The following KCNH5 variants were observed in gnomAD, a reference collection of about 807,000 sequenced individuals.
KCNH5 encodes potassium voltage-gated channel subfamily H member 5.
In KCNH5, 46 loss-of-function variants were observed where a neutral mutation model predicts 96.1. The ratio of observed to expected loss-of-function variants is 0.48; its 90% confidence interval spans 0.38 to 0.61. KCNH5 has a LOEUF of 0.61. KCNH5 is among the 20% of genes least tolerant of loss of function. KCNH5 has a pLI of 0.00. For missense variants in KCNH5, 907 were observed against 1,225.8 expected, an observed-to-expected ratio of 0.74 and a Z score of 3.88; for synonymous variants, 439 against 449.8, an observed-to-expected ratio of 0.98 and a Z score of 0.30.
chr14:62,709,576 C>T (rs6573456), intron 10 of KCNH5, among the ~76,000 whole-genome samples: 137,687 of 152,228 alleles, frequency 0.9, 63,535 homozygotes, highest in East Asian at 1. Context: ...TTGAACTCTT[C>T]AATTTCCCAG....
At chr14:62,768,072 G>A (rs1885903075) in intron 10 of KCNH5, among the ~76,000 whole-genome samples, 1 of 152,130 alleles carries the variant, frequency 6.6e-6, no homozygotes, top group Admixed American at 6.6e-5. Flanking sequence ...CAGGGTGGGA[G>A]AGGGGTGAGG....
intron 7 of KCNH5, among the ~76,000 whole-genome samples, chr14:62,894,645 T>G (rs1888776382): frequency 1.3e-5 from 2 of 152,238 alleles, no homozygotes; most frequent in Non-Finnish European, 2.9e-5. Context: ...TATATTAACA[T>G]CCAACCAATT....
At chr14:62,810,623 T>G (rs776781456) in intron 8 of KCNH5, among the ~76,000 whole-genome samples, 1 of 152,058 alleles carries the variant, frequency 6.6e-6, no homozygotes, top group Non-Finnish European at 1.5e-5. Flanking sequence ...TCCTCACTAC[T>G]ACACTCCCAT....
intron 4 of KCNH5, among the ~76,000 whole-genome samples, chr14:62,999,274 C>G (rs1394538318): frequency 6.6e-6 from 1 of 152,186 alleles, no homozygotes; most frequent in Non-Finnish European, 1.5e-5. Flanking sequence ...ATTTGCATTT[C>G]TCTGATGGCC....
Position 62,703,319 on chromosome 14 carries a change from G to A in KCNH5, c.*4189C>T, listed in dbSNP as rs528810501. 4.0e-5 allele frequency: 6 copies of A among 151,784 alleles called. 1 individual carries two copies. The highest frequency in any genetic ancestry group is 8.9e-5 in the Non-Finnish European group (6 of 67,754). 9.4% of individuals were successfully genotyped at this position (151,784 alleles called of 1,614,324 possible). The stretch of plus-strand genomic sequence containing the variant: ...AAAAATCACATCACCGTCAATCCCT[G>A]AAATCTCTTCTAAAATCTAGAAGAA... On this transcript the variant is annotated 3_prime_UTR_variant, in exon 11 of 11. Transcript: ENST00000322893.
At chr14:62,756,036 T>C (rs562417924) in intron 10 of KCNH5, among the ~76,000 whole-genome samples, 2 of 150,500 alleles carry the variant, frequency 1.3e-5, no homozygotes, top group East Asian at 3.9e-4. Context: ...GCCTTTCCTC[T>C]AAGGAAAAAA....
chr14:62,901,994 A>G (rs1316140636), intron 7 of KCNH5, among the ~76,000 whole-genome samples: 1 of 151,984 alleles, frequency 6.6e-6, no homozygotes, highest in East Asian at 1.9e-4. Flanking sequence ...ACATGTTTTC[A>G]TGTTTGTTGT....
At chr14:62,744,462 A>C (rs1003059940) in intron 10 of KCNH5, among the ~76,000 whole-genome samples, 1 of 152,196 alleles carries the variant, frequency 6.6e-6, no homozygotes, top group Admixed American at 6.5e-5. Context: ...TGGGCACTCA[A>C]ATTAAGAGTT....
intron 3 of KCNH5, among the ~76,000 whole-genome samples, chr14:63,003,641 A>C (rs1891071233): frequency 9.3e-6 from 1 of 107,664 alleles, no homozygotes; most frequent in Admixed American, 9.9e-5. Flanking sequence ...TTTTTTTGAG[A>C]CGGAGTCTCA....
At chr14:62,807,077 C>G (rs1275227069) in intron 8 of KCNH5, among the ~76,000 whole-genome samples, 1 of 152,120 alleles carries the variant, frequency 6.6e-6, no homozygotes, top group Non-Finnish European at 1.5e-5. Flanking sequence ...ATCATTTTGC[C>G]TTCCCCACAC....
intron 10 of KCNH5, among the ~76,000 whole-genome samples, chr14:62,735,025 T>G (rs1413180832): frequency 6.6e-6 from 1 of 152,176 alleles, no homozygotes; most frequent in Non-Finnish European, 1.5e-5. Flanking sequence ...AGACAAGTCC[T>G]TGGAGCAGGC....
At chr14:62,758,376 C>T (rs889340614) in intron 10 of KCNH5, among the ~76,000 whole-genome samples, 1 of 151,960 alleles carries the variant, frequency 6.6e-6, no homozygotes, top group Non-Finnish European at 1.5e-5. Flanking sequence ...CCCCATAATA[C>T]ATATACCTAC....
chr14:62,807,807 G>T (rs1007141600), intron 8 of KCNH5, among the ~76,000 whole-genome samples: 1 of 152,146 alleles, frequency 6.6e-6, no homozygotes, highest in Non-Finnish European at 1.5e-5. Context: ...GTCTCAGATG[G>T]TCTGTGTAAG....
intron 7 of KCNH5, among the ~76,000 whole-genome samples, chr14:62,856,547 G>A (rs1887933364): frequency 6.6e-6 from 1 of 152,162 alleles, no homozygotes; most frequent in African/African-American, 2.4e-5. Context: ...GAAGGAAAAT[G>A]TTCCAGCAAT....
At chr14:62,960,342 A>G (rs1890182943) in intron 6 of KCNH5, among the ~76,000 whole-genome samples, 1 of 152,160 alleles carries the variant, frequency 6.6e-6, no homozygotes, top group Non-Finnish European at 1.5e-5. Context: ...GTGCATGTGT[A>G]TCATGTTTTG....
chr14:63,043,407 A>G (rs1391885174), intron 1 of KCNH5, among the ~76,000 whole-genome samples: 1 of 152,196 alleles, frequency 6.6e-6, no homozygotes, highest in African/African-American at 2.4e-5. Context: ...AGACTTGTAT[A>G]CTTAACTAAT....
At position 62,849,864 on chromosome 14, in the gene KCNH5, G is replaced by A; in HGVS notation, c.1370-12C>T. 1.3e-6 allele frequency: 2 copies of A among 1,592,286 alleles called. No individual in the cohort carries two copies. The highest frequency in any genetic ancestry group is 1.7e-6 in the Non-Finnish European group (2 of 1,161,994). ...TGCATAAAGAAGAGCTGAAAGAGAAGAAATGATAAAAATAAAACAAATATC... is the reference window on the plus strand; with the variant it reads ...TGCATAAAGAAGAGCTGAAAGAGAAAAAATGATAAAAATAAAACAAATATC... On this transcript the variant is annotated splice_polypyrimidine_tract_variant and intron_variant, in intron 7 of 10. Transcript: ENST00000322893.
chr14:62,751,226 A>G (rs1004305261), intron 10 of KCNH5, among the ~76,000 whole-genome samples: 4 of 152,172 alleles, frequency 2.6e-5, no homozygotes, highest in African/African-American at 9.7e-5. Flanking sequence ...TTCAAGAGAA[A>G]ACCAAAGTCC....
At chr14:62,855,354 ATTGTATG>A (rs1239215844) in intron 7 of KCNH5, among the ~76,000 whole-genome samples, 2 of 152,164 alleles carry the variant, frequency 1.3e-5, no homozygotes, top group African/African-American at 4.8e-5. Context: ...TCAGTCTGTG[ATTGTATG>A]TGCAGGATAC....
Sources: allele counts gnomAD v4.1 joint callset (sites outside exome capture counted in the v4.1 genomes callset), GRCh38; gene constraint gnomAD v4.1.1; transcripts MANE v1.5; gene names NCBI Gene and HGNC (gene_info 2026-07-23, HGNC 2026-07-21).